Variants in SNX29 observed in about 807,000 individuals in gnomAD.
SNX29 encodes sorting nexin 29.
Under a neutral mutation model 102.1 loss-of-function variants are expected in SNX29, and 78 were observed. The observed-to-expected ratio is 0.76, with a 90% CI of 0.64 to 0.92. The LOEUF is 0.92. SNX29 is among the 40% of genes least tolerant of loss of function. SNX29 has a pLI of 0.00. For synonymous variants in SNX29, 580 were observed against 414.5 expected, an observed-to-expected ratio of 1.40 and a Z score of -4.85; for missense variants, 1,280 against 1,061.7, an observed-to-expected ratio of 1.21 and a Z score of -2.86.
intron 13 of SNX29, among the ~76,000 whole-genome samples, chr16:12,173,284 G>A (rs1432426706): frequency 6.6e-6 from 1 of 152,206 alleles, no homozygotes; most frequent in African/African-American, 2.4e-5. Context: ...CATTCGTGGA[G>A]CAATGTTATA....
intron 18 of SNX29, among the ~76,000 whole-genome samples, chr16:12,425,139 A>G (rs1160976463): frequency 3.9e-5 from 6 of 152,254 alleles, no homozygotes; most frequent in African/African-American, 1.4e-4. Context: ...AAAGCGGGTG[A>G]GACCGATCTG....
At chr16:12,466,876 A>G (rs1381135169) in intron 18 of SNX29, among the ~76,000 whole-genome samples, 2 of 152,192 alleles carry the variant, frequency 1.3e-5, no homozygotes, top group Non-Finnish European at 2.9e-5. Context: ...TGAGTCCTCT[A>G]ACAGAGGCCA....
At position 12,029,733 on chromosome 16, in the gene SNX29, A is replaced by T. The variant is rs1363188114; in HGVS notation, c.247+2289A>T. On this transcript the variant is annotated intron_variant, in intron 4 of 20. Coordinates refer to ENST00000566228, the MANE Select transcript of SNX29 (RefSeq NM_032167.5). ...CAGCCACCTGAGTAGCTGGGACTAT[A>T]GGTGTGTGCCACCATGTCTGGCTAA... is the stretch of plus-strand genomic sequence containing the variant. 1.5e-5 allele frequency: 6 copies of T among 396,604 alleles called. No homozygotes were observed. In the East Asian group the frequency reaches 4.4e-4, roughly 29 times the overall value. 24.6% of individuals were successfully genotyped at this position (396,604 alleles called of 1,614,324 possible).
Position 12,368,594 on chromosome 16 carries a change from C to T in SNX29, c.1899+12315C>T, listed in dbSNP as rs10163343. On this transcript the variant is annotated intron_variant, in intron 16 of 20. Transcript: ENST00000566228. ...TGTGTGACTTGTGTCTCTCTGGCTT[C>T]ACTTCATGGTTATTTGGCATGGAGA... Among the ~76,000 whole-genome samples the T allele has an allele frequency of 6.1e-3, 929 of 152,306 alleles. 11 individuals are homozygous for T. Among genetic ancestry groups the T allele is most frequent in the African/African-American group, 0.021 (876 of 41,560 alleles).
chr16:12,352,110 C>G (rs997620058), intron 15 of SNX29, among the ~76,000 whole-genome samples: 3 of 152,136 alleles, frequency 2.0e-5, no homozygotes, highest in Admixed American at 2.0e-4. Flanking sequence ...AGACTTGGAA[C>G]CCACCCAAAT....
chr16:12,572,275 C>A lies in SNX29; in HGVS notation c.*3646C>A. On this transcript the variant is annotated 3_prime_UTR_variant, in exon 21 of 21. Transcript: ENST00000566228. ...GATACCATGGCTGTAGCTGATGCAA[C>A]TAACAAGTACTGGGGCCAGTGATCA... The A allele has an allele frequency of 9.4e-7, 1 of 1,059,512 alleles. No homozygotes were observed. 65.6% of individuals were successfully genotyped at this position (1,059,512 alleles called of 1,614,324 possible). A position where few individuals can be genotyped will look rare whatever the true frequency, so the allele number is the denominator to read the frequency against.
At chr16:12,192,712 A>G (rs1038826675) in intron 13 of SNX29, among the ~76,000 whole-genome samples, 1 of 151,772 alleles carries the variant, frequency 6.6e-6, no homozygotes, top group African/African-American at 2.4e-5. Context: ...TTATTTATTT[A>G]TTTATTTATT....
In SNX29 at chr16:11,983,520, C is replaced by CAAAGTAGA. The variant is rs1360877523; in HGVS notation, c.7+6713_7+6720dup. ...AAAAAGAATATTTGTGGTTTTCATT[C>CAAAGTAGA]AAAGTAGAAAAGTGATGCTATCAAC... On this transcript the variant is annotated intron_variant, in intron 1 of 20. Transcript: ENST00000566228. The CAAAGTAGA allele has an allele frequency of 2.1e-5, 6 of 286,416 alleles. No homozygotes were observed. In the East Asian group the frequency reaches 1.0e-3, roughly 50 times the overall value. The allele number at this position is 286,416 out of a possible 1,614,324, so 17.7% of individuals were successfully genotyped here. A position where few individuals can be genotyped will look rare whatever the true frequency, so the allele number is the denominator to read the frequency against.
At chr16:12,091,230 T>G (rs2052528012) in intron 11 of SNX29, among the ~76,000 whole-genome samples, 2 of 152,094 alleles carry the variant, frequency 1.3e-5, no homozygotes, top group Admixed American at 1.3e-4. Context: ...ATACTGCTAT[T>G]GGGTGGTGGA....
At chr16:12,339,453 C>T (rs773597248) in intron 15 of SNX29, among the ~76,000 whole-genome samples, 43 of 146,308 alleles carry the variant, frequency 2.9e-4, no homozygotes, top group Non-Finnish European at 4.3e-4. Context: ...TGGGCAGTTA[C>T]TTGGTGGCTC....
At chr16:12,562,045 C>G (rs117051772) in intron 20 of SNX29, among the ~76,000 whole-genome samples, 2 of 151,136 alleles carry the variant, frequency 1.3e-5, no homozygotes, top group African/African-American at 2.4e-5. Context: ...GGGATGGAAT[C>G]ATCTGTGCCG....
intron 13 of SNX29, among the ~76,000 whole-genome samples, chr16:12,149,277 A>G (rs562614791): frequency 3.5e-4 from 54 of 152,330 alleles, no homozygotes; most frequent in Non-Finnish European, 7.1e-4. Flanking sequence ...AACTTCTCGT[A>G]CAGAGGTTAC....
chr16:12,237,152 G>A (rs2077960211), intron 14 of SNX29, among the ~76,000 whole-genome samples: 1 of 152,184 alleles, frequency 6.6e-6, no homozygotes, highest in African/African-American at 2.4e-5. Flanking sequence ...TCCAGAGTAG[G>A]CAGGTGGGAC....
chr16:12,526,455 C>T (rs1418413114), intron 20 of SNX29: 5 of 461,144 alleles, frequency 1.1e-5, no homozygotes, highest in East Asian at 4.9e-5. Flanking sequence ...TTATAGTATC[C>T]TGCTGCCTGT....
intron 14 of SNX29, among the ~76,000 whole-genome samples, chr16:12,255,128 C>T (rs1453909689): frequency 1.3e-5 from 2 of 152,200 alleles, no homozygotes; most frequent in East Asian, 1.9e-4. Context: ...CATCACTTCA[C>T]ATACTTTTTT....
At chr16:12,107,583 G>C (rs1221418749) in intron 11 of SNX29, among the ~76,000 whole-genome samples, 1 of 152,120 alleles carries the variant, frequency 6.6e-6, no homozygotes, top group African/African-American at 2.4e-5. Context: ...GTTGCAGTGA[G>C]CTGAGATGCG....
intron 16 of SNX29, among the ~76,000 whole-genome samples, chr16:12,371,050 T>A (rs1268857299): frequency 6.6e-6 from 1 of 152,218 alleles, no homozygotes; most frequent in East Asian, 1.9e-4. Context: ...TCCTGGTTTC[T>A]GAGGAAGGTG....
intron 1 of SNX29, among the ~76,000 whole-genome samples, chr16:11,980,608 C>T (rs72638275): frequency 0.086 from 13,113 of 152,154 alleles, 664 homozygotes; most frequent in East Asian, 0.24. Flanking sequence ...AAAGTGGCTG[C>T]ACCATTTTCA....
chr16:12,310,057 C>T (rs555791811), intron 15 of SNX29, among the ~76,000 whole-genome samples: 9 of 152,186 alleles, frequency 5.9e-5, no homozygotes, highest in African/African-American at 1.2e-4. Flanking sequence ...TGTACACACA[C>T]GCATGCACGC....
Sources: gnomAD v4.1 joint callset for allele counts (sites outside exome capture counted in the v4.1 genomes callset) on GRCh38, gnomAD v4.1.1 for gene constraint, MANE v1.5 for transcripts, NCBI Gene and HGNC (gene_info 2026-07-23, HGNC 2026-07-21) for gene names.